Variants in POMGNT2 observed in about 807,000 individuals in gnomAD.
POMGNT2 encodes protein O-linked-mannose beta-1,4-N-acetylglucosaminyltransferase 2.
A neutral mutation model predicts 37.8 loss-of-function variants in POMGNT2; 32 were observed. The observed-to-expected ratio is 0.85, with a 90% CI of 0.64 to 1.14. POMGNT2 has a LOEUF of 1.14. Ranked by LOEUF, POMGNT2 falls within the 50% of genes most tolerant of loss-of-function variation. The pLI is 0.00. For missense variants in POMGNT2, 705 were observed against 780.6 expected, an observed-to-expected ratio of 0.90 and a Z score of 1.15; for synonymous variants, 340 against 336.8, an observed-to-expected ratio of 1.01 and a Z score of -0.10.
chr3:43,081,855 C>A (rs1310342733), intron 1 of POMGNT2, among the ~76,000 whole-genome samples: 1 of 152,218 alleles, frequency 6.6e-6, no homozygotes, highest in Non-Finnish European at 1.5e-5. Flanking sequence ...GCTGGCCTTG[C>A]CCTCTTTATG....
chr3:43,097,801 C>T (rs1188977436), intron 1 of POMGNT2, among the ~76,000 whole-genome samples: 1 of 152,176 alleles, frequency 6.6e-6, no homozygotes, highest in African/African-American at 2.4e-5. Context: ...TAACTTCTGG[C>T]AATTATTCAA....
In POMGNT2 at chr3:43,080,259, T is replaced by A; in HGVS notation, c.1173A>T (p.Val391=). ...AMLPGMDLQY[V]AWRNMMPENT... ...TCTCTGGCATCATGTTCCGCCAGGC[T>A]ACATACTGGAGGTCCATGCCAGGCA... is the stretch of plus-strand genomic sequence containing the variant. Residue 391 remains valine (V), a synonymous_variant, in exon 2 of 2, where the codon GTA becomes GTT. Coordinates refer to ENST00000344697, the MANE Select transcript of POMGNT2 (RefSeq NM_032806.6). 1 of 1,614,174 alleles carries A rather than the reference T, an allele frequency of 6.2e-7. No homozygotes were observed. The highest frequency in any genetic ancestry group is 8.5e-7 in the Non-Finnish European group (1 of 1,180,018).
chr3:43,099,296 CACA>C (rs1398092852), intron 1 of POMGNT2, among the ~76,000 whole-genome samples: 5 of 152,136 alleles, frequency 3.3e-5, no homozygotes, highest in Non-Finnish European at 7.3e-5. Context: ...AGGAAGTGTG[CACA>C]ACAAGAGATC....
intron 1 of POMGNT2, among the ~76,000 whole-genome samples, chr3:43,094,779 A>G (rs2089967572): frequency 6.6e-6 from 1 of 152,210 alleles, no homozygotes; most frequent in Non-Finnish European, 1.5e-5. Flanking sequence ...ATCACAAGAA[A>G]TATGACTGTG....
Position 43,098,473 on chromosome 3 carries a change from C to A in POMGNT2, c.-106+7363G>T, listed in dbSNP as rs2089995235. On this transcript the variant is annotated intron_variant, in intron 1 of 1. Coordinates refer to ENST00000344697, the MANE Select transcript of POMGNT2 (RefSeq NM_032806.6). The surrounding 1 kb of genome is among the most constrained non-coding windows in gnomAD (Gnocchi z 4.3). ...ATTGATAAATTCGGCATTTATAGAT[C>A]AGGTTTTCTGACCAAGGTATTTATC... 6.6e-6 allele frequency among the ~76,000 whole-genome samples: 1 copy of A among 152,108 alleles called. No homozygotes were observed.
chr3:43,104,726 AAC>A (rs1463876351), intron 1 of POMGNT2, among the ~76,000 whole-genome samples: 1 of 152,164 alleles, frequency 6.6e-6, no homozygotes, highest in African/African-American at 2.4e-5. Context: ...AAGCACCTCT[AAC>A]ACTTTCTGTC....
At chr3:43,093,922 T>TA (rs919183512) in intron 1 of POMGNT2, among the ~76,000 whole-genome samples, 4 of 151,482 alleles carry the variant, frequency 2.6e-5, no homozygotes, top group Admixed American at 6.6e-5. Context: ...CTGGGAGACT[T>TA]AAAAAAAAAT....
chr3:43,099,313 C>T (rs1026556343), intron 1 of POMGNT2, among the ~76,000 whole-genome samples: 12 of 152,246 alleles, frequency 7.9e-5, no homozygotes, highest in Admixed American at 7.8e-4. Context: ...AGAGATCATC[C>T]AGGGAAGCTG....
chr3:43,079,837 T>C lies in POMGNT2; in HGVS notation c.1595A>G (p.Asn532Ser), dbSNP rs1374026606. The C allele has an allele frequency of 1.2e-6, 2 of 1,614,160 alleles. No individual in the cohort carries two copies. Among genetic ancestry groups the C allele is most frequent in the Non-Finnish European group, 1.7e-6 (2 of 1,180,022 alleles). ...YEVWLQEQGE[N>S]TYVPYILALQ... The stretch of plus-strand genomic sequence containing the variant: ...AGCCAGGATGTAAGGCACGTAGGTG[T>C]TCTCCCCCTGCTCCTGCAGCCACAC... Residue 532 changes from asparagine (N) to serine (S), a missense_variant, in exon 2 of 2, where the codon AAC (asparagine) becomes AGC (serine). Physicochemically the swap from Asn to Ser is conservative, Grantham distance 46 (BLOSUM62 1). Transcript: ENST00000344697.
intron 1 of POMGNT2, among the ~76,000 whole-genome samples, chr3:43,085,140 G>C (rs1314792401): frequency 1.3e-5 from 2 of 152,186 alleles, no homozygotes; most frequent in East Asian, 1.9e-4. Context: ...CTCTGCAGTT[G>C]GCCTCCAATG....
chr3:43,083,180 T>C (rs1234789236), intron 1 of POMGNT2, among the ~76,000 whole-genome samples: 6 of 152,210 alleles, frequency 3.9e-5, no homozygotes, highest in African/African-American at 1.2e-4. Context: ...CCAAGTATCA[T>C]ACATTCTAGC....
chr3:43,085,417 G>C (rs1045996571), intron 1 of POMGNT2, among the ~76,000 whole-genome samples: 2 of 151,048 alleles, frequency 1.3e-5, no homozygotes, highest in African/African-American at 4.9e-5. Context: ...TCTTGGGTTG[G>C]GGGGGGTTCT....
intron 1 of POMGNT2, among the ~76,000 whole-genome samples, chr3:43,091,123 C>G (rs2089940061): frequency 6.6e-6 from 1 of 152,124 alleles, no homozygotes. Context: ...AATCAGTATA[C>G]CCAGCACCCA....
At chr3:43,105,292 G>A (rs2090049597) in intron 1 of POMGNT2, among the ~76,000 whole-genome samples, 1 of 152,164 alleles carries the variant, frequency 6.6e-6, no homozygotes, top group Non-Finnish European at 1.5e-5. Flanking sequence ...GCAGGCCGTG[G>A]CAAGCTCTTA....
At chr3:43,084,814 A>G (rs763483603) in intron 1 of POMGNT2, among the ~76,000 whole-genome samples, 4 of 152,158 alleles carry the variant, frequency 2.6e-5, no homozygotes, top group Non-Finnish European at 5.9e-5. Flanking sequence ...GAGCCCATTC[A>G]GTAATTTTAA....
rs951617474 is a variant in POMGNT2, at chr3:43,080,783, G to A, written c.649C>T (p.Arg217Trp). The change falls in exon 2 of 2, where the codon CGG (arginine) becomes TGG (tryptophan). Residue 217 changes from arginine to tryptophan, a missense_variant. Physicochemically the swap from Arg to Trp is moderately radical, Grantham distance 101. Transcript: ENST00000344697. Reference sequence around the variant, plus strand: ...CGGCCCAGGGTCTTCAGCTGTGCCCGCAGGAGAGGCTGCTTGGGGCTGAGC... The same window carrying A: ...CGGCCCAGGGTCTTCAGCTGTGCCCACAGGAGAGGCTGCTTGGGGCTGAGC... ...KLLSPKQPLL[R>W]AQLKTLGRLL... 1.4e-5 allele frequency: 23 copies of A among 1,613,930 alleles called. No individual in the cohort carries two copies. The highest frequency in any genetic ancestry group is 1.9e-5 in the Non-Finnish European group (22 of 1,180,028).
At position 43,082,304 on chromosome 3, in the gene POMGNT2, C is replaced by G. The variant is rs561458694; in HGVS notation, c.-105-768G>C. ...ACCCCAGTATGCCGCCTTTGAGAGA[C>G]ACACACACGTATGGTCAGCTAAGCT... On this transcript the variant is annotated intron_variant, in intron 1 of 1. Coordinates refer to ENST00000344697, the MANE Select transcript of POMGNT2 (RefSeq NM_032806.6). Among the ~76,000 whole-genome samples, 117 of 152,308 alleles carry G rather than the reference C, an allele frequency of 7.7e-4. 1 individual carries two copies. The highest frequency in any genetic ancestry group is 3.4e-3 in the Middle Eastern group (1 of 294).
At chr3:43,104,670 G>A (rs1048020109) in intron 1 of POMGNT2, among the ~76,000 whole-genome samples, 1 of 152,170 alleles carries the variant, frequency 6.6e-6, no homozygotes, top group South Asian at 2.1e-4. Flanking sequence ...AGATTCATGA[G>A]AGCCAGAGAG....
intron 1 of POMGNT2, among the ~76,000 whole-genome samples, chr3:43,104,042 T>G (rs1191332745): frequency 1.3e-5 from 2 of 152,188 alleles, no homozygotes; most frequent in African/African-American, 4.8e-5. Context: ...ACACGCATTA[T>G]CTCATTTATT....
Sources: gnomAD v4.1 joint callset for allele counts (sites outside exome capture counted in the v4.1 genomes callset) on GRCh38, gnomAD v4.1.1 for gene constraint, Gnocchi (gnomAD v3.1) non-coding constraint, MANE v1.5 for transcripts, NCBI Gene and HGNC (gene_info 2026-07-23, HGNC 2026-07-21) for gene names.